The following RPL14 variants were observed in gnomAD, a reference collection of about 807,000 sequenced individuals.
The protein encoded by RPL14 is large ribosomal subunit protein eL14.
RPL14 carries 4 observed loss-of-function variants against 25.3 expected under a neutral mutation model. That is an observed-to-expected ratio of 0.16 (90% CI 0.08 to 0.36). The LOEUF is 0.36. RPL14 is among the 10% of genes least tolerant of loss of function. RPL14 has a pLI of 1.00. For synonymous variants in RPL14, 75 were observed against 89.8 expected (o/e 0.84, Z 0.93); for missense variants, 212 against 261.9 (o/e 0.81, Z 1.31).
Position 40,457,477 on chromosome 3 carries a change from G to T in RPL14, c.3+3G>T. 1 of 1,556,188 alleles carries T rather than the reference G, an allele frequency of 6.4e-7. No homozygotes were observed. The highest frequency in any genetic ancestry group is 8.7e-7 in the Non-Finnish European group (1 of 1,148,614). On this transcript the variant is annotated splice_donor_region_variant and intron_variant, in intron 1 of 5. Coordinates refer to ENST00000396203, the MANE Select transcript of RPL14 (RefSeq NM_001034996.3). Reference sequence around the variant, plus strand: ...CAGAGGGTCCCGGGAAGCGCATGGTGAGGGTCCCCGGGCCGGCTGTGCAGC... The same window carrying T: ...CAGAGGGTCCCGGGAAGCGCATGGTTAGGGTCCCCGGGCCGGCTGTGCAGC...
intron 1 of RPL14, 144 bp downstream of exon 1, chr3:40,457,618 G>A: frequency 1.4e-6 from 1 of 708,082 alleles, no homozygotes; most frequent in Non-Finnish European, 2.3e-6. Flanking sequence ...CGCCGCTGGA[G>A]CTGGATGGCT....
rs945432265 is a variant in RPL14 at position 40,463,308 on chromosome 3, G to A, written c.*1076G>A. Reference sequence around the variant, plus strand: ...CGCAACCTCTGCCTCCTGGGCTCAAGCGGTTCTCCTGCTCAGCCTTCTGAG... The same window carrying A: ...CGCAACCTCTGCCTCCTGGGCTCAAACGGTTCTCCTGCTCAGCCTTCTGAG... On this transcript the variant is annotated 3_prime_UTR_variant, in exon 6 of 6. Coordinates refer to ENST00000396203, the MANE Select transcript of RPL14 (RefSeq NM_001034996.3). The A allele has an allele frequency of 6.6e-6, 1 of 152,408 alleles. No individual in the cohort carries two copies. Among genetic ancestry groups the A allele is most frequent in the Non-Finnish European group, 1.5e-5 (1 of 68,240 alleles). 9.4% of individuals were successfully genotyped at this position (152,408 alleles called of 1,614,324 possible). A position where few individuals can be genotyped will look rare whatever the true frequency, so the allele number is the denominator to read the frequency against.
intron 3 of RPL14, among the ~76,000 whole-genome samples, chr3:40,461,184 G>A (rs1459420817): frequency 6.6e-6 from 1 of 150,764 alleles, no homozygotes; most frequent in Non-Finnish European, 1.5e-5. Flanking sequence ...TGGCAAGCAA[G>A]ATCCTCTCTC....
At position 40,464,699 on chromosome 3, in the gene RPL14, A is replaced by G; in HGVS notation, c.*2467A>G. On this transcript the variant is annotated 3_prime_UTR_variant, in exon 6 of 6. Coordinates refer to ENST00000396203, the MANE Select transcript of RPL14 (RefSeq NM_001034996.3). ...TGGGAATGCTCGGGTTGGCAGTATG[A>G]AGTTTGGCAGTAATCCAAGGAAGTG... is the stretch of plus-strand genomic sequence containing the variant. The G allele has an allele frequency of 6.0e-6, 2 of 331,446 alleles. No homozygotes were observed. The highest frequency in any genetic ancestry group is 6.1e-6 in the Non-Finnish European group (1 of 163,878). 20.5% of individuals were successfully genotyped at this position (331,446 alleles called of 1,614,324 possible).
Position 40,461,649 on chromosome 3 carries a change from G to A in RPL14, c.342G>A (p.Lys114=), listed in dbSNP as rs1696938469. 3 of 1,602,186 alleles carry A rather than the reference G, an allele frequency of 1.9e-6. No homozygotes were observed. The highest frequency in any genetic ancestry group is 2.6e-6 in the Non-Finnish European group (3 of 1,176,358). The change falls in exon 5 of 6, where the codon AAG becomes AAA. Residue 114 remains lysine (K), a synonymous_variant. Transcript: ENST00000396203. The part of the protein sequence containing the change: ...MTDFDRFKVM[K]AKKMRNRIIK... Reference sequence around the variant, plus strand: ...ATTTTGATCGTTTTAAAGTTATGAAGGCAAAGAAAATGGTAAGATTTAAGA... The same window carrying A: ...ATTTTGATCGTTTTAAAGTTATGAAAGCAAAGAAAATGGTAAGATTTAAGA...
rs1696943328 is a variant in RPL14 at position 40,461,929 on chromosome 3, T to C, written c.355-10T>C. On this transcript the variant is annotated splice_polypyrimidine_tract_variant and intron_variant, in intron 5 of 5. Transcript: ENST00000396203. ...CACAATAAGTGCTTTCTTACATTGATAATTTTCAGAGGAACAGAATAATCA... is the reference window on the plus strand; with the variant it reads ...CACAATAAGTGCTTTCTTACATTGACAATTTTCAGAGGAACAGAATAATCA... 5.0e-6 allele frequency: 8 copies of C among 1,586,044 alleles called. No homozygotes were observed. The highest frequency in any genetic ancestry group is 6.8e-6 in the Non-Finnish European group (8 of 1,170,718).
chr3:40,461,335 AC>A (rs1302889356), intron 3 of RPL14, 71 bp from the exon 4 acceptor site: 2 of 1,270,478 alleles, frequency 1.6e-6, no homozygotes. Flanking sequence ...TTTTCAAGGA[AC>A]AAAGAAAGTG....
In RPL14 at chr3:40,461,670, T is replaced by C. The variant is rs375890312; in HGVS notation, c.354+9T>C. On this transcript the variant is annotated intron_variant, in intron 5 of 5. Coordinates refer to ENST00000396203, the MANE Select transcript of RPL14 (RefSeq NM_001034996.3). ...TGAAGGCAAAGAAAATGGTAAGATTTAAGATCTGTATTTTTGTGTAACTTA... is the reference window on the plus strand; with the variant it reads ...TGAAGGCAAAGAAAATGGTAAGATTCAAGATCTGTATTTTTGTGTAACTTA... 55 of 1,596,172 alleles carry C rather than the reference T, an allele frequency of 3.4e-5. No individual in the cohort carries two copies. The highest frequency in any genetic ancestry group is 4.3e-5 in the Non-Finnish European group (50 of 1,172,976).
chr3:40,459,638 G>T (rs536767727), intron 3 of RPL14, among the ~76,000 whole-genome samples: 2 of 152,042 alleles, frequency 1.3e-5, no homozygotes, highest in Non-Finnish European at 2.9e-5. Flanking sequence ...GGTGGATCAC[G>T]AGGTCAGGAG....
Position 40,457,450 on chromosome 3 carries a change from C to G in RPL14, c.-22C>G. The G allele has an allele frequency of 6.3e-7, 1 of 1,575,072 alleles. No homozygotes were observed. The highest frequency in any genetic ancestry group is 8.6e-7 in the Non-Finnish European group (1 of 1,160,636). The stretch of plus-strand genomic sequence containing the variant: ...TGGGAAGCTGAGGCGCCAAACGGCT[C>G]CCAGAGGGTCCCGGGAAGCGCATGG... On this transcript the variant is annotated 5_prime_UTR_variant, in exon 1 of 6. Coordinates refer to ENST00000396203, the MANE Select transcript of RPL14 (RefSeq NM_001034996.3).
At position 40,467,608 on chromosome 3, in the gene RPL14, T is replaced by C. The variant is rs1050856277; in HGVS notation, c.*5376T>C. The C allele has an allele frequency of 5.3e-5, 8 of 152,278 alleles. No individual in the cohort carries two copies. Among genetic ancestry groups the C allele is most frequent in the African/African-American group, 1.7e-4 (7 of 41,462 alleles). The allele number at this position is 152,278 out of a possible 1,614,324, so 9.4% of individuals were successfully genotyped here. Reference sequence around the variant, plus strand: ...AAATGCCAATCTCTTCCAGAGGTAATCTCACAGATTTAGAAATGTTTCGCC... The same window carrying C: ...AAATGCCAATCTCTTCCAGAGGTAACCTCACAGATTTAGAAATGTTTCGCC... On this transcript the variant is annotated 3_prime_UTR_variant, in exon 6 of 6. Transcript: ENST00000396203.
In RPL14 at chr3:40,459,874, A is replaced by AAAC. The variant is rs1553649146; in HGVS notation, c.200+1140_200+1141insCAA. Among the ~76,000 whole-genome samples, 110 of 151,210 alleles carry AAAC rather than the reference A, an allele frequency of 7.3e-4. 3 individuals are homozygous for AAAC. In the East Asian group the frequency reaches 0.018, roughly 25 times the overall value. On this transcript the variant is annotated intron_variant, in intron 3 of 5. Transcript: ENST00000396203. ...ACTCCGTTTCAAAAAAAAAAAAAAA[A>AAAC]AAAAAACTTACTGTATGCTGAGCAC...
Position 40,461,817 on chromosome 3 carries a change from T to C in RPL14, c.355-122T>C, listed in dbSNP as rs1233572585. 9 of 1,296,518 alleles carry C rather than the reference T, an allele frequency of 6.9e-6. No individual in the cohort carries two copies. The South Asian group carries it at 1.0e-4, about 15-fold the overall frequency. 80.3% of individuals were successfully genotyped at this position (1,296,518 alleles called of 1,614,324 possible). On this transcript the variant is annotated intron_variant, in intron 5 of 5. Coordinates refer to ENST00000396203, the MANE Select transcript of RPL14 (RefSeq NM_001034996.3). ...TTTCATGATGTCCCTATGGAATTGT[T>C]ACCTTTCTTCAGATGTAGTTGTAGG...
chr3:40,461,803 C>T (rs1696940586), intron 5 of RPL14, 136 bp from the exon 6 acceptor site: 1 of 1,265,078 alleles, frequency 7.9e-7, no homozygotes, highest in East Asian at 2.4e-5. Context: ...TTCATGATGT[C>T]CCTATGGAAT....
Position 40,461,556 on chromosome 3 carries a change from T to C in RPL14, c.300+50T>C, listed in dbSNP as rs1408114970. 6 of 1,607,802 alleles carry C rather than the reference T, an allele frequency of 3.7e-6. No homozygotes were observed. In the South Asian group the frequency reaches 6.6e-5, roughly 18 times the overall value. The stretch of plus-strand genomic sequence containing the variant: ...TCTGGTCCTTTCTTTTTTTGGAGGG[T>C]TCAAGATAGTGTGAGAGGGATAATT... On this transcript the variant is annotated intron_variant, in intron 4 of 5. Transcript: ENST00000396203.
At chr3:40,459,562 T>C (rs968872047) in intron 3 of RPL14, among the ~76,000 whole-genome samples, 1 of 152,114 alleles carries the variant, frequency 6.6e-6, no homozygotes, top group African/African-American at 2.4e-5. Context: ...AGTCAAAAAC[T>C]TGCTGTATGT....
chr3:40,458,811 A>G (rs71331130), intron 3 of RPL14, 75 bp downstream of exon 3: 1 of 1,127,098 alleles, frequency 8.9e-7, no homozygotes. Flanking sequence ...TTTGGAGTAA[A>G]CAATACGGAA....
At chr3:40,458,114 T>G in intron 2 of RPL14, 123 bp downstream of exon 2, 1 of 792,298 alleles carries the variant, frequency 1.3e-6, no homozygotes, top group South Asian at 1.5e-5. Context: ...ATTTTACCAT[T>G]GAGGAAACAG....
In RPL14 at chr3:40,462,670, C is replaced by T. The variant is rs1233902005; in HGVS notation, c.*438C>T. 4 of 157,816 alleles carry T rather than the reference C, an allele frequency of 2.5e-5. No homozygotes were observed. The highest frequency in any genetic ancestry group is 9.7e-5 in the African/African-American group (4 of 41,428). 9.8% of individuals were successfully genotyped at this position (157,816 alleles called of 1,614,324 possible). On this transcript the variant is annotated 3_prime_UTR_variant, in exon 6 of 6. Transcript: ENST00000396203. ...GGATTGCAGGCATGAGCCGCCGCGC[C>T]TGGCCTAAATAATCAGTTCTTTAAT...
Sources: allele counts gnomAD v4.1 joint callset (sites outside exome capture counted in the v4.1 genomes callset), GRCh38; gene constraint gnomAD v4.1.1; transcripts MANE v1.5; gene names NCBI Gene and HGNC (gene_info 2026-07-23, HGNC 2026-07-21).